The following POLN variants were observed in gnomAD, a reference collection of about 807,000 sequenced individuals.
The protein encoded by POLN is DNA polymerase nu.
Under a neutral mutation model 113.5 loss-of-function variants are expected in POLN, and 108 were observed. The ratio of observed to expected loss-of-function variants is 0.95; its 90% CI spans 0.81 to 1.12. The LOEUF (loss-of-function observed/expected upper bound fraction) is 1.12, where lower values mean the gene tolerates loss of function less well. Ranked by LOEUF, POLN falls within the 50% of genes most tolerant of loss-of-function variation. POLN has a pLI of 0.00. For missense variants in POLN, 1,097 were observed against 1,077.1 expected, an observed-to-expected ratio of 1.02 and a Z score of -0.26; for synonymous variants, 386 against 391.5, an observed-to-expected ratio of 0.99 and a Z score of 0.17.
At chr4:2,084,487 G>A (rs923314569) in intron 21 of POLN, among the ~76,000 whole-genome samples, 4 of 152,210 alleles carry the variant, frequency 2.6e-5, no homozygotes, top group African/African-American at 9.6e-5. Context: ...TAAGCTCCAC[G>A]GGAGCAAGCG....
Position 2,085,695 on chromosome 4 carries a change from G to C in POLN, c.2115C>G (p.Ala705=). Residue 705 remains alanine (A), a synonymous_variant, in exon 21 of 26, where the codon GCC becomes GCG. Transcript: ENST00000511885. ...ACLGVPIQEA[A]QFLESFLQKY... ...TCTGCAAAAAACTCTCCAAAAACTG[G>C]GCAGCTTCCTGAATAGGAACTCCAA... 1 of 1,614,022 alleles carries C rather than the reference G, an allele frequency of 6.2e-7. No individual in the cohort carries two copies. Among genetic ancestry groups the C allele is most frequent in the East Asian group, 2.2e-5 (1 of 44,880 alleles).
chr4:2,099,953 C>T (rs1730882992), intron 19 of POLN, among the ~76,000 whole-genome samples: 1 of 151,570 alleles, frequency 6.6e-6, no homozygotes, highest in Non-Finnish European at 1.5e-5. Flanking sequence ...ACCTGCAGTC[C>T]CAGCTATGTG....
intron 2 of POLN, among the ~76,000 whole-genome samples, chr4:2,237,787 A>C (rs1165002310): frequency 1.3e-5 from 2 of 152,252 alleles, no homozygotes; most frequent in East Asian, 3.9e-4. Flanking sequence ...AAATAGTTAC[A>C]TAAATAGCTA....
intron 16 of POLN, 141 bp from the exon 17 acceptor site, chr4:2,131,431 T>A (rs1731726565): frequency 1.9e-6 from 1 of 536,694 alleles, no homozygotes; most frequent in African/African-American, 2.0e-5. Flanking sequence ...TAATACTTAA[T>A]ACAGTTGTCT....
chr4:2,212,211 C>T (rs927013762), intron 4 of POLN, among the ~76,000 whole-genome samples: 1 of 152,172 alleles, frequency 6.6e-6, no homozygotes, highest in Admixed American at 6.5e-5. Flanking sequence ...GGTGATACGA[C>T]CTCTCTGGCC....
At chr4:2,077,410 G>GGTAC (rs1730302059) in intron 23 of POLN, among the ~76,000 whole-genome samples, 1 of 152,206 alleles carries the variant, frequency 6.6e-6, no homozygotes, top group South Asian at 2.1e-4. Context: ...CCCAGACAGC[G>GGTAC]GTACACTGGT....
At chr4:2,081,191 G>A in intron 22 of POLN, 155 bp from the exon 23 acceptor site, 1 of 1,585,400 alleles carries the variant, frequency 6.3e-7, no homozygotes, top group East Asian at 2.3e-5. Context: ...ACTGCAGGCA[G>A]ACACTTCGTC....
intron 2 of POLN, chr4:2,231,457 G>A (rs527410261): frequency 6.5e-6 from 1 of 153,330 alleles, no homozygotes; most frequent in African/African-American, 2.4e-5. Flanking sequence ...AAATTAGCTG[G>A]GTGTGGCGGT....
chr4:2,075,735 C>T (rs1192854488), intron 23 of POLN, among the ~76,000 whole-genome samples: 2 of 152,216 alleles, frequency 1.3e-5, no homozygotes, highest in African/African-American at 4.8e-5. Context: ...ATGGGCACCA[C>T]TGCTTGAGGT....
intron 19 of POLN, among the ~76,000 whole-genome samples, chr4:2,122,578 G>A (rs1325645789): frequency 6.6e-6 from 1 of 152,098 alleles, no homozygotes; most frequent in East Asian, 1.9e-4. Flanking sequence ...CAAAAAGACA[G>A]GTAATACAAA....
At chr4:2,143,036 G>T (rs1047702120) in intron 16 of POLN, among the ~76,000 whole-genome samples, 1 of 151,094 alleles carries the variant, frequency 6.6e-6, no homozygotes, top group Non-Finnish European at 1.5e-5. Flanking sequence ...ATTTTTTTTT[G>T]GACAAACTAT....
At chr4:2,109,192 C>CA (rs1281830853) in intron 19 of POLN, among the ~76,000 whole-genome samples, 2 of 151,982 alleles carry the variant, frequency 1.3e-5, no homozygotes, top group Non-Finnish European at 2.9e-5. Context: ...ATATGAAAAA[C>CA]AAAAAACAAA....
rs768807398 is a variant in POLN at position 2,072,003 on chromosome 4, C to T, written c.*111G>A. On this transcript the variant is annotated 3_prime_UTR_variant, in exon 26 of 26. Transcript: ENST00000511885. ...TTTACTCCAGGGGATGGCGGGCCAC[C>T]CCAGCCCCAAAGGGTTAATGCGTCC... 2.5e-5 allele frequency: 32 copies of T among 1,275,296 alleles called. No individual in the cohort carries two copies. The African/African-American group carries it at 3.1e-4, about 12-fold the overall frequency. The allele number at this position is 1,275,296 out of a possible 1,614,324, so 79.0% of individuals were successfully genotyped here.
chr4:2,178,742 G>C (rs553598259), intron 8 of POLN, among the ~76,000 whole-genome samples: 102 of 152,152 alleles, frequency 6.7e-4, no homozygotes, highest in Middle Eastern at 3.4e-3. Context: ...CTCCTGAGTA[G>C]CTGGAACTAC....
chr4:2,218,340 G>A (rs1371564339), intron 3 of POLN, among the ~76,000 whole-genome samples: 2 of 151,924 alleles, frequency 1.3e-5, no homozygotes, highest in East Asian at 1.9e-4. Flanking sequence ...AGCTACTTGG[G>A]AGGCTGAGGC....
At chr4:2,206,200 G>T (rs1733838346) in intron 5 of POLN, among the ~76,000 whole-genome samples, 1 of 152,184 alleles carries the variant, frequency 6.6e-6, no homozygotes. Flanking sequence ...CAAGCCACAT[G>T]TAAAATGAAA....
intron 16 of POLN, among the ~76,000 whole-genome samples, chr4:2,148,440 G>A (rs1016047234): frequency 4.6e-5 from 7 of 152,182 alleles, no homozygotes; most frequent in African/African-American, 1.2e-4. Context: ...AGGCCGACGC[G>A]GGTAGATTAC....
intron 6 of POLN, among the ~76,000 whole-genome samples, chr4:2,196,774 G>A (rs1376958074): frequency 6.6e-6 from 1 of 152,134 alleles, no homozygotes. Flanking sequence ...CTTTGATAAT[G>A]TTGGCCTGGG....
chr4:2,107,993 G>A (rs1731107551), intron 19 of POLN, among the ~76,000 whole-genome samples: 2 of 151,758 alleles, frequency 1.3e-5, no homozygotes, highest in African/African-American at 2.4e-5. Flanking sequence ...TCATCCGAGC[G>A]CTTTGCACCT....
Sources: allele counts gnomAD v4.1 joint callset (sites outside exome capture counted in the v4.1 genomes callset), GRCh38; gene constraint gnomAD v4.1.1; transcripts MANE v1.5; gene names NCBI Gene and HGNC (gene_info 2026-07-23, HGNC 2026-07-21).